SUGCT: variants seen among roughly 807,000 people sequenced by gnomAD.
The protein encoded by SUGCT is succinyl-CoA:glutarate CoA-transferase.
In SUGCT, 41 loss-of-function variants were observed where a neutral mutation model predicts 55.0. That is an observed-to-expected ratio of 0.74 (90% CI 0.58 to 0.97). The LOEUF (loss-of-function observed/expected upper bound fraction) is 0.97. Ranked by LOEUF, SUGCT falls within the 50% of genes least tolerant of loss-of-function variation. The pLI, the probability that SUGCT is intolerant of heterozygous loss-of-function variation, is 0.00. For synonymous variants in SUGCT, 187 were observed against 200.4 expected (o/e 0.93, Z 0.56); for missense variants, 568 against 547.8 (o/e 1.04, Z -0.37).
At chr7:40,847,407 C>CTTTT (rs1338885686) in intron 13 of SUGCT, among the ~76,000 whole-genome samples, 61 of 117,846 alleles carry the variant, frequency 5.2e-4, no homozygotes, top group African/African-American at 1.6e-3. Flanking sequence ...TCTTTTCTTT[C>CTTTT]TTTCTTTTTT....
chr7:40,170,832 G>A (rs552998914), intron 1 of SUGCT, among the ~76,000 whole-genome samples: 33 of 152,092 alleles, frequency 2.2e-4, no homozygotes, highest in Non-Finnish European at 4.0e-4. Flanking sequence ...AATAGTTAAC[G>A]CTTACTGATG....
chr7:40,348,486 A>G (rs1294206063), intron 9 of SUGCT, among the ~76,000 whole-genome samples: 1 of 152,134 alleles, frequency 6.6e-6, no homozygotes, highest in African/African-American at 2.4e-5. Flanking sequence ...GCATAGGCAT[A>G]TGATCTCAGC....
chr7:40,916,748 C>A, the SUGCT span, among the ~76,000 whole-genome samples: 1 of 152,154 alleles, frequency 6.6e-6, no homozygotes, highest in Non-Finnish European at 1.5e-5. Flanking sequence ...ATGCTACTGG[C>A]ACTTTTTGAG....
chr7:40,144,490 C>T (rs1315360389), intron 1 of SUGCT, among the ~76,000 whole-genome samples: 1 of 152,120 alleles, frequency 6.6e-6, no homozygotes, highest in Non-Finnish European at 1.5e-5. Flanking sequence ...GTAAGAACAG[C>T]AGTCTTGGTG....
intron 13 of SUGCT, among the ~76,000 whole-genome samples, chr7:40,826,328 A>C (rs1792308710): frequency 6.6e-6 from 1 of 151,844 alleles, no homozygotes; most frequent in African/African-American, 2.4e-5. Flanking sequence ...ATTATATTTT[A>C]TGATTTTTTT....
At chr7:40,718,068 G>A (rs1146040) in intron 12 of SUGCT, among the ~76,000 whole-genome samples, 53,581 of 151,994 alleles carry the variant, frequency 0.35, 10,554 homozygotes, top group African/African-American at 0.55. Context: ...ACAAATGAAA[G>A]TGCTTTTGGA....
At chr7:40,594,651 C>T (rs1364753652) in intron 12 of SUGCT, among the ~76,000 whole-genome samples, 1 of 152,158 alleles carries the variant, frequency 6.6e-6, no homozygotes. Context: ...GGATTATGCA[C>T]AGTGAGAACA....
intron 12 of SUGCT, among the ~76,000 whole-genome samples, chr7:40,725,247 G>C (rs1341466585): frequency 6.6e-6 from 1 of 152,208 alleles, no homozygotes; most frequent in Non-Finnish European, 1.5e-5. Context: ...CAATTCTCTA[G>C]AGGATTTTTA....
intron 12 of SUGCT, among the ~76,000 whole-genome samples, chr7:40,721,579 C>G (rs1313077590): frequency 6.6e-6 from 1 of 152,218 alleles, no homozygotes; most frequent in African/African-American, 2.4e-5. Flanking sequence ...TGTCACCAAG[C>G]TACAGCCAAC....
At chr7:40,411,140 C>A (rs567541875) in intron 9 of SUGCT, among the ~76,000 whole-genome samples, 126 of 152,252 alleles carry the variant, frequency 8.3e-4, no homozygotes, top group African/African-American at 2.9e-3. Flanking sequence ...TGCCTGTAAT[C>A]CCAGCACTTT....
At chr7:40,794,738 C>A (rs774822108) in intron 13 of SUGCT, among the ~76,000 whole-genome samples, 20 of 152,154 alleles carry the variant, frequency 1.3e-4, no homozygotes, top group Non-Finnish European at 2.8e-4. Flanking sequence ...ATCAATGTAG[C>A]CATACATTTA....
chr7:40,158,036 G>A (rs905803679), intron 1 of SUGCT, among the ~76,000 whole-genome samples: 3 of 152,014 alleles, frequency 2.0e-5, no homozygotes, highest in East Asian at 1.9e-4. Flanking sequence ...GTGGAATCCC[G>A]TCTTTATTAA....
intron 7 of SUGCT, among the ~76,000 whole-genome samples, chr7:40,260,665 GT>G (rs1236676868): frequency 1.3e-5 from 2 of 152,038 alleles, no homozygotes; most frequent in Non-Finnish European, 2.9e-5. Context: ...GTTTTGTTTT[GT>G]TTTGAGATGG....
intron 13 of SUGCT, among the ~76,000 whole-genome samples, chr7:40,835,122 A>G (rs1252861835): frequency 1.3e-5 from 2 of 152,234 alleles, no homozygotes; most frequent in African/African-American, 2.4e-5. Context: ...TGCTAGTCCA[A>G]CTGAGGAACT....
At chr7:40,265,480 T>C (rs1486663729) in intron 7 of SUGCT, among the ~76,000 whole-genome samples, 1 of 152,168 alleles carries the variant, frequency 6.6e-6, no homozygotes, top group Non-Finnish European at 1.5e-5. Context: ...CTTCTTTTCT[T>C]CCTTCCCTCA....
intron 7 of SUGCT, among the ~76,000 whole-genome samples, chr7:40,266,566 TATCATTGATAATTTCTTTTAATA>T (rs536203754): frequency 1.5e-3 from 233 of 152,312 alleles, no homozygotes; most frequent in African/African-American, 5.4e-3. Flanking sequence ...ACTAAGAAAT[TATCATTGATAATTTCTTTTAATA>T]ATCATTGATA....
intron 13 of SUGCT, among the ~76,000 whole-genome samples, chr7:40,794,680 C>A (rs565846621): frequency 4.6e-5 from 7 of 152,176 alleles, no homozygotes; most frequent in African/African-American, 1.7e-4. Flanking sequence ...GTACTGGATC[C>A]TCCCCACTCT....
At chr7:40,191,086 G>A (rs762266944) in intron 5 of SUGCT, among the ~76,000 whole-genome samples, 10 of 151,992 alleles carry the variant, frequency 6.6e-5, no homozygotes, top group Non-Finnish European at 1.2e-4. Context: ...GCGCGATCTC[G>A]GCTCACTGCA....
chr7:40,948,452 ATGATG>A, the SUGCT span, among the ~76,000 whole-genome samples: 1 of 151,712 alleles, frequency 6.6e-6, no homozygotes, highest in African/African-American at 2.4e-5. Context: ...GATGATGATG[ATGATG>A]ATGATGATGA....
Sources: allele counts gnomAD v4.1 joint callset (sites outside exome capture counted in the v4.1 genomes callset), GRCh38; gene constraint gnomAD v4.1.1; transcripts MANE v1.5; gene names NCBI Gene and HGNC (gene_info 2026-07-23, HGNC 2026-07-21).